The following NECTIN3 variants were observed in gnomAD, a reference collection of about 807,000 sequenced individuals.
NECTIN3 encodes the protein nectin cell adhesion molecule 3, also known as nectin-3.
Under a neutral mutation model 49.4 loss-of-function variants are expected in NECTIN3, and 8 were observed. The ratio of observed to expected loss-of-function variants is 0.16; its 90% CI spans 0.10 to 0.29. The LOEUF (loss-of-function observed/expected upper bound fraction) is 0.29, where lower values mean the gene tolerates loss of function less well. Among genes scored for constraint, NECTIN3 ranks in the 10% least tolerant of loss-of-function variants. The pLI is 1.00. For synonymous variants in NECTIN3, 277 were observed against 241.1 expected (o/e 1.15, Z -1.38); for missense variants, 581 against 654.6 (o/e 0.89, Z 1.23).
chr3:111,142,610 TAA>T (rs1384818871), intron 5 of NECTIN3, among the ~76,000 whole-genome samples: 1 of 151,802 alleles, frequency 6.6e-6, no homozygotes, highest in Non-Finnish European at 1.5e-5. Flanking sequence ...AGTTGGAAAT[TAA>T]GAGATTAAAA....
chr3:111,123,624 G>T (rs1348236381), intron 4 of NECTIN3, among the ~76,000 whole-genome samples: 3 of 152,116 alleles, frequency 2.0e-5, no homozygotes, highest in Admixed American at 6.5e-5. Context: ...GAGTTGGGAG[G>T]AATCTGTTGT....
chr3:111,107,130 T>A (rs192531793), intron 1 of NECTIN3, among the ~76,000 whole-genome samples: 2,672 of 152,136 alleles, frequency 0.018, 48 homozygotes, highest in South Asian at 0.048. Flanking sequence ...CATTTTTTTT[T>A]AAAAAACCCA....
At chr3:111,181,066 A>G (rs1049721577) in intron 7 of NECTIN3, among the ~76,000 whole-genome samples, 2 of 152,132 alleles carry the variant, frequency 1.3e-5, no homozygotes, top group African/African-American at 4.8e-5. Context: ...CTTTTCCATC[A>G]CCTGAAAAAT....
At chr3:111,191,177 T>C (rs2035806263), upstream of NECTIN3, among the ~76,000 whole-genome samples, 1 of 152,148 alleles carries the variant, frequency 6.6e-6, no homozygotes, top group Non-Finnish European at 1.5e-5. Flanking sequence ...AATACAGAAT[T>C]TGGAATTAGA....
intron 5 of NECTIN3, chr3:111,144,810 C>A (rs1456200663): frequency 2.2e-6 from 3 of 1,382,356 alleles, no homozygotes; most frequent in South Asian, 1.4e-5. Context: ...ATACTTCAGT[C>A]AAATAGTTTG....
chr3:111,188,578 G>A (rs915495682), upstream of NECTIN3, among the ~76,000 whole-genome samples: 6 of 152,160 alleles, frequency 3.9e-5, no homozygotes, highest in Non-Finnish European at 7.3e-5. Flanking sequence ...CTTCTACCAT[G>A]AGAAAAAGAC....
chr3:111,148,585 G>GT (rs538973225), intron 7 of NECTIN3, among the ~76,000 whole-genome samples: 240 of 151,760 alleles, frequency 1.6e-3, no homozygotes, highest in Non-Finnish European at 2.3e-3. Context: ...GTCTGGATTT[G>GT]TTTTTTTTGC....
intron 7 of NECTIN3, among the ~76,000 whole-genome samples, chr3:111,177,225 C>T (rs1427475786): frequency 6.6e-6 from 1 of 151,422 alleles, no homozygotes; most frequent in Non-Finnish European, 1.5e-5. Context: ...TAAGGAGGCC[C>T]ACATTTATCT....
intron 1 of NECTIN3, among the ~76,000 whole-genome samples, chr3:111,083,983 T>A (rs1200481640): frequency 6.6e-6 from 1 of 152,164 alleles, no homozygotes; most frequent in South Asian, 2.1e-4. Flanking sequence ...TTTTAAAAAA[T>A]TTAATTTATA....
At chr3:111,131,317 A>G (rs1167967770) in intron 5 of NECTIN3, among the ~76,000 whole-genome samples, 4 of 152,022 alleles carry the variant, frequency 2.6e-5, no homozygotes. Flanking sequence ...ATGAAAAATA[A>G]TATCTAACTG....
Position 111,081,424 on chromosome 3 carries a change from A to G in NECTIN3, c.160+9247A>G, listed in dbSNP as rs180881402. Among the ~76,000 whole-genome samples, 20 of 152,334 alleles carry G rather than the reference A, an allele frequency of 1.3e-4. No homozygotes were observed. The East Asian group carries it at 3.9e-3, about 29-fold the overall frequency. On this transcript the variant is annotated intron_variant, in intron 1 of 5. Coordinates refer to ENST00000485303, the MANE Select transcript of NECTIN3 (RefSeq NM_015480.3). ...ACTTAATTGTCAGGAGATTGGAATG[A>G]AAGATGTCTTTCTCTGTGTATGTGT...
Position 111,135,070 on chromosome 3 carries a change from A to C in NECTIN3, c.*855A>C. On this transcript the variant is annotated 3_prime_UTR_variant, in exon 6 of 6. Coordinates refer to ENST00000485303, the MANE Select transcript of NECTIN3 (RefSeq NM_015480.3). ...CCTAAACATACTAATAGAAATGAAA[A>C]GACGCAGAGAGAGCATTTCGGAATA... 1.0e-6 allele frequency: 1 copy of C among 981,116 alleles called. No individual in the cohort carries two copies. The highest frequency in any genetic ancestry group is 1.2e-6 in the Non-Finnish European group (1 of 826,406). The allele number at this position is 981,116 out of a possible 1,614,324, so 60.8% of individuals were successfully genotyped here.
chr3:111,144,940 G>C, exon 6 of NECTIN3: 1 of 1,536,312 alleles, frequency 6.5e-7, no homozygotes, highest in Non-Finnish European at 8.7e-7. Context: ...TGTAGCTGGA[G>C]CGGTAATTGG....
At chr3:111,166,623 A>G (rs1398122894) in intron 7 of NECTIN3, among the ~76,000 whole-genome samples, 2 of 152,220 alleles carry the variant, frequency 1.3e-5, no homozygotes, top group East Asian at 3.9e-4. Flanking sequence ...GAGATCTGGG[A>G]TCAATCTAGA....
chr3:111,119,767 A>G (rs148877963), intron 3 of NECTIN3, among the ~76,000 whole-genome samples: 18 of 152,350 alleles, frequency 1.2e-4, no homozygotes, highest in African/African-American at 4.3e-4. Flanking sequence ...AGCTTATAGC[A>G]AAGATAATGA....
chr3:111,126,550 G>A (rs2034170291), intron 5 of NECTIN3, among the ~76,000 whole-genome samples: 1 of 152,038 alleles, frequency 6.6e-6, no homozygotes, highest in Non-Finnish European at 1.5e-5. Context: ...AAGTGTCTGT[G>A]CAACAAGTTT....
intron 7 of NECTIN3, among the ~76,000 whole-genome samples, chr3:111,149,196 G>GTCT: frequency 1.3e-5 from 2 of 152,058 alleles, no homozygotes; most frequent in East Asian, 3.9e-4. Flanking sequence ...GTATTGCTAT[G>GTCT]TCTTTCTCTT....
intron 7 of NECTIN3, among the ~76,000 whole-genome samples, chr3:111,181,076 T>C (rs1188121522): frequency 6.6e-6 from 1 of 152,010 alleles, no homozygotes; most frequent in African/African-American, 2.4e-5. Context: ...ACCTGAAAAA[T>C]TTCTCATGTA....
intron 1 of NECTIN3, among the ~76,000 whole-genome samples, chr3:111,098,277 T>C (rs1172276847): frequency 6.6e-6 from 1 of 151,136 alleles, no homozygotes; most frequent in Non-Finnish European, 1.5e-5. Flanking sequence ...AATACTCTCT[T>C]ATATTAGTTT....
Sources: allele counts gnomAD v4.1 joint callset (sites outside exome capture counted in the v4.1 genomes callset), GRCh38; gene constraint gnomAD v4.1.1; transcripts MANE v1.5; gene names NCBI Gene and HGNC (gene_info 2026-07-23, HGNC 2026-07-21).